The following HEATR4 variants were observed in gnomAD, a reference collection of about 807,000 sequenced individuals.
HEATR4 encodes the protein HEAT repeat containing 4.
HEATR4 carries 95 observed loss-of-function variants against 108.8 expected under a neutral mutation model. That is an observed-to-expected ratio of 0.87 (90% confidence interval 0.74 to 1.04). The LOEUF (loss-of-function observed/expected upper bound fraction) is 1.04. HEATR4 is among the 50% of genes least tolerant of loss of function. The pLI is 0.00. For synonymous variants in HEATR4, 443 were observed against 459.4 expected (o/e 0.96, Z 0.46); for missense variants, 1,152 against 1,253.8 (o/e 0.92, Z 1.23).
intron 5 of HEATR4, among the ~76,000 whole-genome samples, chr14:73,518,220 A>C (rs573609315): frequency 6.6e-6 from 1 of 152,260 alleles, no homozygotes; most frequent in East Asian, 1.9e-4. Context: ...TGCCAAGTGG[A>C]TGCAAAGGCA....
At chr14:73,576,816 A>AAAAAAAAAAAG in the HEATR4 span, among the ~76,000 whole-genome samples, 262 of 58,140 alleles carry the variant, frequency 4.5e-3, 72 homozygotes, top group Middle Eastern at 0.014. Context: ...AAAAAAAAAA[A>AAAAAAAAAAAG]AAAAGACAAT....
chr14:73,570,859 C>A, the HEATR4 span, among the ~76,000 whole-genome samples: 1 of 147,792 alleles, frequency 6.8e-6, no homozygotes, highest in Admixed American at 6.8e-5. Context: ...GAGCTGAGAT[C>A]ATGCCATTGC....
rs756533980 is a variant in HEATR4 at position 73,492,007 on chromosome 14, G to T, written c.2844+1059C>A. 2 of 1,613,906 alleles carry T rather than the reference G, an allele frequency of 1.2e-6. No homozygotes were observed. The highest frequency in any genetic ancestry group is 1.7e-6 in the Non-Finnish European group (2 of 1,179,882). ...TGGCAGGCTCCAACGTTTACCTCAC[G>T]CCCCCTAACTCGCAGGGCTTTGCCC... On this transcript the variant is annotated intron_variant, in intron 17 of 17. Transcript: ENST00000553558. This position sits in a 1 kb window ranked among gnomAD's most constrained non-coding sequence, Gnocchi z 4.9.
the HEATR4 span, chr14:73,619,539 T>C: frequency 1.2e-6 from 2 of 1,614,226 alleles, no homozygotes; most frequent in Non-Finnish European, 1.7e-6. Context: ...TGTTTATTGT[T>C]GGCATGGATG....
chr14:73,593,640 G>T, the HEATR4 span: 1 of 1,482,880 alleles, frequency 6.7e-7, no homozygotes, highest in African/African-American at 1.4e-5. Flanking sequence ...ACAGTGTCCA[G>T]CCAGGAAAGC....
chr14:73,614,375 T>C, the HEATR4 span, among the ~76,000 whole-genome samples: 2 of 152,186 alleles, frequency 1.3e-5, no homozygotes, highest in Non-Finnish European at 2.9e-5. Context: ...GGGCTGGAAT[T>C]GGGTCTTACA....
rs1889319487 is a variant in HEATR4 at position 73,551,294 on chromosome 14, AGAC to A, written c.-152+7454_-152+7456del. On this transcript the variant is annotated intron_variant, in intron 1 of 17. Coordinates refer to ENST00000553558, the MANE Select transcript of HEATR4 (RefSeq NM_001220484.1). ...TTTAAAAACCCTGTTACAGGTAGTT[AGAC>A]ATGAGCAGGGAAGGAGAGGGCTTTT... Among the ~76,000 whole-genome samples, 2 of 115,290 alleles carry A rather than the reference AGAC, an allele frequency of 1.7e-5. 1 individual carries two copies. The allele number at this position is 115,290 out of a possible 152,430, so 75.6% of individuals were successfully genotyped here.
the HEATR4 span, chr14:73,592,446 G>C: frequency 6.8e-7 from 1 of 1,475,544 alleles, no homozygotes; most frequent in East Asian, 2.5e-5. Context: ...GGTGGTGTGA[G>C]CGTCAGTGGC....
the HEATR4 span, chr14:73,593,631 CA>C: frequency 4.2e-6 from 6 of 1,421,456 alleles, no homozygotes; most frequent in South Asian, 8.1e-5. Flanking sequence ...GCATGAACCA[CA>C]GTGTCCAGCC....
At chr14:73,510,740 C>T (rs949908617) in intron 7 of HEATR4, among the ~76,000 whole-genome samples, 1 of 152,156 alleles carries the variant, frequency 6.6e-6, no homozygotes, top group Non-Finnish European at 1.5e-5. Context: ...CTGGCTTTGG[C>T]TGCAGTTCTT....
rs569102825 is a variant in HEATR4, at chr14:73,480,174, G to A, written c.2845-1332C>T. ...AATGAATAATTGGCTGGGCACGGTGGCTCACACCTGTGATCCCAGCACTTT... is the reference window on the plus strand; with the variant it reads ...AATGAATAATTGGCTGGGCACGGTGACTCACACCTGTGATCCCAGCACTTT... On this transcript the variant is annotated intron_variant, in intron 17 of 17. Transcript: ENST00000553558. Among the ~76,000 whole-genome samples, 9 of 152,234 alleles carry A rather than the reference G, an allele frequency of 5.9e-5. No individual in the cohort carries two copies. The East Asian group carries it at 1.7e-3, about 29-fold the overall frequency.
chr14:73,611,964 C>T, the HEATR4 span, among the ~76,000 whole-genome samples: 92 of 152,198 alleles, frequency 6.0e-4, no homozygotes, highest in African/African-American at 2.0e-3. Flanking sequence ...CTGTATCTCT[C>T]TCAATCCTTT....
the HEATR4 span, among the ~76,000 whole-genome samples, chr14:73,572,575 G>A: frequency 2.0e-5 from 3 of 149,030 alleles, no homozygotes; most frequent in Non-Finnish European, 3.0e-5. Flanking sequence ...TCTGTGGGAC[G>A]TTGATGGTTT....
At chr14:73,517,775 AAAAG>A (rs143269591) in intron 5 of HEATR4, among the ~76,000 whole-genome samples, 4,040 of 151,696 alleles carry the variant, frequency 0.027, 186 homozygotes, top group African/African-American at 0.093. Flanking sequence ...AGGAAGGAAA[AAAAG>A]GAAGGGAGGA....
chr14:73,610,965 C>T, the HEATR4 span: 6 of 152,204 alleles, frequency 3.9e-5, no homozygotes, highest in Non-Finnish European at 7.3e-5. Flanking sequence ...GATTCCATCA[C>T]CCAGGCAGCA....
the HEATR4 span, among the ~76,000 whole-genome samples, chr14:73,589,016 C>G: frequency 6.6e-6 from 1 of 152,138 alleles, no homozygotes; most frequent in South Asian, 2.1e-4. Context: ...GCATAGTTCC[C>G]TTATCTCCAC....
intron 1 of HEATR4, among the ~76,000 whole-genome samples, chr14:73,531,856 C>T (rs1888718668): frequency 9.0e-6 from 1 of 111,716 alleles, no homozygotes; most frequent in Non-Finnish European, 1.9e-5. Context: ...CCCATCTCTA[C>T]TAAAAATAGA....
chr14:73,583,698 C>A, the HEATR4 span, among the ~76,000 whole-genome samples: 1 of 151,862 alleles, frequency 6.6e-6, no homozygotes, highest in Admixed American at 6.6e-5. Context: ...TGGGCACGTG[C>A]ATTAAGAGAC....
chr14:73,624,241 G>T, the HEATR4 span, among the ~76,000 whole-genome samples: 1 of 152,066 alleles, frequency 6.6e-6, no homozygotes, highest in Non-Finnish European at 1.5e-5. Context: ...TCCTACCTCA[G>T]CATCCCGAGT....
Sources: allele counts gnomAD v4.1 joint callset (sites outside exome capture counted in the v4.1 genomes callset), GRCh38; gene constraint gnomAD v4.1.1; non-coding constraint Gnocchi (gnomAD v3.1); transcripts MANE v1.5; gene names NCBI Gene and HGNC (gene_info 2026-07-23, HGNC 2026-07-21).